The following HCN1 variants were observed in gnomAD, a reference collection of about 807,000 sequenced individuals.
The protein encoded by HCN1 is hyperpolarization activated cyclic nucleotide gated potassium channel 1.
A neutral mutation model predicts 78.9 loss-of-function variants in HCN1; 13 were observed. The ratio of observed to expected loss-of-function variants is 0.16; its 90% confidence interval spans 0.11 to 0.26. The LOEUF is 0.26. HCN1 is among the 10% of genes least tolerant of loss of function. The pLI, the probability that HCN1 is intolerant of heterozygous loss-of-function variation, is 1.00. For synonymous variants in HCN1, 552 were observed against 455.5 expected (o/e 1.21, Z -2.70); for missense variants, 810 against 1,154.3 (o/e 0.70, Z 4.32).
chr5:45,425,924 T>C (rs1740337435), intron 3 of HCN1, among the ~76,000 whole-genome samples: 1 of 152,064 alleles, frequency 6.6e-6, no homozygotes, highest in Non-Finnish European at 1.5e-5. Context: ...ATAGAACACA[T>C]AAAAAGCATA....
rs147130737 is a variant in HCN1, at chr5:45,453,694, G to A, written c.1011+8152C>T. On this transcript the variant is annotated intron_variant, in intron 3 of 7. Transcript: ENST00000303230. ...ATACTGTCTCTGGCTTTATGCAAATGGAATAACAATTCTGTTTCAGACTCT... is the reference window on the plus strand; with the variant it reads ...ATACTGTCTCTGGCTTTATGCAAATAGAATAACAATTCTGTTTCAGACTCT... Among the ~76,000 whole-genome samples the A allele has an allele frequency of 1.7e-3, 261 of 152,024 alleles. 1 individual carries two copies. The highest frequency in any genetic ancestry group is 5.9e-3 in the African/African-American group (245 of 41,464).
At chr5:45,276,414 G>C (rs1384680490) in intron 6 of HCN1, among the ~76,000 whole-genome samples, 2 of 152,106 alleles carry the variant, frequency 1.3e-5, no homozygotes, top group Admixed American at 6.6e-5. Context: ...TGGGATGAAA[G>C]AATCTGCAAT....
chr5:45,553,105 C>G (rs1743402554), intron 2 of HCN1, among the ~76,000 whole-genome samples: 1 of 151,828 alleles, frequency 6.6e-6, no homozygotes, highest in Non-Finnish European at 1.5e-5. Context: ...TCCTCTGCCT[C>G]CTCTGAAGGA....
chr5:45,477,120 G>T (rs991488370), intron 2 of HCN1, among the ~76,000 whole-genome samples: 1 of 151,758 alleles, frequency 6.6e-6, no homozygotes, highest in Non-Finnish European at 1.5e-5. Flanking sequence ...ACAACACTTT[G>T]TATTATACCA....
At chr5:45,412,557 TCTTC>T (rs1293276419) in intron 3 of HCN1, among the ~76,000 whole-genome samples, 1 of 152,236 alleles carries the variant, frequency 6.6e-6, no homozygotes, top group East Asian at 1.9e-4. Flanking sequence ...CTCTCCCATA[TCTTC>T]TTCTGAGAGG....
At chr5:45,453,502 T>A (rs1740964416) in intron 3 of HCN1, among the ~76,000 whole-genome samples, 1 of 152,126 alleles carries the variant, frequency 6.6e-6, no homozygotes, top group South Asian at 2.1e-4. Flanking sequence ...ATTTTTCATA[T>A]ACATTCTGAG....
chr5:45,452,299 A>G (rs1005346615), intron 3 of HCN1, among the ~76,000 whole-genome samples: 1 of 151,740 alleles, frequency 6.6e-6, no homozygotes, highest in African/African-American at 2.4e-5. Flanking sequence ...CCTAGCTGGT[A>G]AATACTAGAA....
intron 2 of HCN1, among the ~76,000 whole-genome samples, chr5:45,616,717 A>G (rs1463660527): frequency 6.6e-6 from 1 of 152,054 alleles, no homozygotes; most frequent in Non-Finnish European, 1.5e-5. Context: ...TGGCTCTTCC[A>G]TTAAATAAAA....
chr5:45,294,225 C>T (rs573463692), intron 6 of HCN1, among the ~76,000 whole-genome samples: 2 of 152,012 alleles, frequency 1.3e-5, no homozygotes, highest in Admixed American at 6.6e-5. Flanking sequence ...ACCATGATTG[C>T]CTGTGGTTTT....
At chr5:45,588,014 G>A (rs1000632057) in intron 2 of HCN1, among the ~76,000 whole-genome samples, 3 of 152,050 alleles carry the variant, frequency 2.0e-5, no homozygotes, top group African/African-American at 7.2e-5. Flanking sequence ...CTGACCATGA[G>A]GGCACCCTGA....
At chr5:45,519,959 T>C (rs1483460159) in intron 2 of HCN1, among the ~76,000 whole-genome samples, 2 of 152,042 alleles carry the variant, frequency 1.3e-5, no homozygotes, top group Admixed American at 6.6e-5. Context: ...ACAACAGTTA[T>C]CTGCATTCTT....
At chr5:45,317,179 A>G (rs539740574) in intron 5 of HCN1, among the ~76,000 whole-genome samples, 1 of 152,328 alleles carries the variant, frequency 6.6e-6, no homozygotes, top group Non-Finnish European at 1.5e-5. Context: ...CTACAAAGCT[A>G]CAGTAACCAA....
At chr5:45,613,689 C>T (rs552278937) in intron 2 of HCN1, among the ~76,000 whole-genome samples, 105 of 151,934 alleles carry the variant, frequency 6.9e-4, no homozygotes, top group Non-Finnish European at 1.2e-3. Context: ...GCATTATTCA[C>T]AATAGCAAAG....
chr5:45,442,197 A>G (rs1245168496), intron 3 of HCN1, among the ~76,000 whole-genome samples: 3 of 152,156 alleles, frequency 2.0e-5, no homozygotes, highest in Non-Finnish European at 4.4e-5. Context: ...CTGAACTGCT[A>G]AAGTAGACAA....
intron 3 of HCN1, among the ~76,000 whole-genome samples, chr5:45,444,966 C>T (rs963289271): frequency 2.6e-5 from 4 of 152,126 alleles, no homozygotes; most frequent in South Asian, 2.1e-4. Flanking sequence ...ATGCAGAAGA[C>T]GGATAATTTC....
At chr5:45,644,263 T>C (rs1423369783) in intron 2 of HCN1, 1 of 152,224 alleles carries the variant, frequency 6.6e-6, no homozygotes, top group Non-Finnish European at 1.5e-5. Flanking sequence ...AGTGTCGATT[T>C]AGGCATTCTA....
At chr5:45,463,327 G>C (rs1351590390) in intron 2 of HCN1, among the ~76,000 whole-genome samples, 2 of 151,824 alleles carry the variant, frequency 1.3e-5, no homozygotes, top group Non-Finnish European at 2.9e-5. Context: ...TTTTCAGTTT[G>C]ATATATTTCT....
At chr5:45,281,705 A>G (rs892742164) in intron 6 of HCN1, among the ~76,000 whole-genome samples, 2 of 146,568 alleles carry the variant, frequency 1.4e-5, no homozygotes, top group Admixed American at 1.4e-4. Flanking sequence ...ATCCTGCCTC[A>G]GCCTCCTGAG....
intron 2 of HCN1, among the ~76,000 whole-genome samples, chr5:45,586,458 C>T (rs959515088): frequency 1.3e-5 from 2 of 152,172 alleles, no homozygotes; most frequent in African/African-American, 4.8e-5. Context: ...AATTCCCTGA[C>T]CCCTTGCGCT....
Sources: gnomAD v4.1 joint callset for allele counts (sites outside exome capture counted in the v4.1 genomes callset) on GRCh38, gnomAD v4.1.1 for gene constraint, MANE v1.5 for transcripts, NCBI Gene and HGNC (gene_info 2026-07-23, HGNC 2026-07-21) for gene names.